PICALM: variants seen among roughly 807,000 people sequenced by gnomAD.
PICALM encodes phosphatidylinositol binding clathrin assembly protein.
PICALM carries 40 observed loss-of-function variants against 80.5 expected under a neutral mutation model. The ratio of observed to expected loss-of-function variants is 0.50; its 90% CI spans 0.39 to 0.65. PICALM has a LOEUF of 0.65. PICALM is among the 30% of genes least tolerant of loss of function. The pLI is 0.00. For missense variants in PICALM, 676 were observed against 778.9 expected, an observed-to-expected ratio of 0.87 and a Z score of 1.57; for synonymous variants, 288 against 260.3, an observed-to-expected ratio of 1.11 and a Z score of -1.02.
chr11:86,002,343 A>G (rs2136122975), intron 9 of PICALM, among the ~76,000 whole-genome samples: 1 of 152,356 alleles, frequency 6.6e-6, no homozygotes, highest in South Asian at 2.1e-4. Flanking sequence ...AAACAACCAG[A>G]AAGTCTAAAA....
intron 19 of PICALM, among the ~76,000 whole-genome samples, chr11:85,959,973 ATC>A (rs2093634057): frequency 6.6e-6 from 1 of 152,124 alleles, no homozygotes; most frequent in African/African-American, 2.4e-5. Context: ...GTTCAGAAAA[ATC>A]TCTCCATAAG....
intron 1 of PICALM, among the ~76,000 whole-genome samples, chr11:86,057,920 A>G (rs2096294869): frequency 1.3e-5 from 2 of 152,232 alleles, no homozygotes; most frequent in South Asian, 4.1e-4. Context: ...AATCCCCTAT[A>G]GATACTGAAG....
chr11:86,002,697 G>C (rs555873420), intron 9 of PICALM, among the ~76,000 whole-genome samples: 1 of 152,322 alleles, frequency 6.6e-6, no homozygotes, highest in African/African-American at 2.4e-5. Flanking sequence ...TGTGAGGATT[G>C]AGCAAATTAA....
At chr11:85,977,292 TAAGAGGAACA>T (rs2094312858) in intron 17 of PICALM, among the ~76,000 whole-genome samples, 1 of 152,200 alleles carries the variant, frequency 6.6e-6, no homozygotes, top group Non-Finnish European at 1.5e-5. Flanking sequence ...AAAAATTATT[TAAGAGGAACA>T]ATCAATTAGG....
At chr11:86,038,588 C>G (rs2095885526) in intron 1 of PICALM, among the ~76,000 whole-genome samples, 1 of 152,078 alleles carries the variant, frequency 6.6e-6, no homozygotes, top group South Asian at 2.1e-4. Flanking sequence ...CAAGACCAGC[C>G]TGGCCAAGAT....
At chr11:86,018,380 G>A (rs1446503976) in intron 4 of PICALM, among the ~76,000 whole-genome samples, 1 of 152,102 alleles carries the variant, frequency 6.6e-6, no homozygotes, top group Non-Finnish European at 1.5e-5. Context: ...CAATAATTTA[G>A]TATAACTTTT....
intron 1 of PICALM, among the ~76,000 whole-genome samples, chr11:86,033,786 A>G (rs1464918148): frequency 6.6e-6 from 1 of 152,152 alleles, no homozygotes; most frequent in African/African-American, 2.4e-5. Flanking sequence ...CTCAAACATA[A>G]AGATCAGTCA....
At chr11:85,981,022 T>A in intron 17 of PICALM, 107 bp downstream of exon 17, 1 of 645,062 alleles carries the variant, frequency 1.6e-6, no homozygotes, top group Non-Finnish European at 2.8e-6. Context: ...ACTTCTAAAC[T>A]CAGTAACAAT....
At position 86,014,910 on chromosome 11, in the gene PICALM, G is replaced by C. The variant is rs2095455902; in HGVS notation, c.506C>G (p.Pro169Arg). The change falls in exon 5 of 20, where the codon CCA (proline) becomes CGA (arginine). Residue 169 changes from proline to arginine, a missense_variant. Around this residue, in one of 2 missense-constraint regions of PICALM, gnomAD observed 285 missense variants for 395.4 expected, o/e 0.72. Coordinates refer to ENST00000393346, the MANE Select transcript of PICALM (RefSeq NM_007166.4). ...TGCATCCATCTGATTCTGAATAATT[G>C]GTACAGTTTTTAGGAGTTTTTCTGT... is the stretch of plus-strand genomic sequence containing the variant. ...MNTEKLLKTV[P>R]IIQNQMDALL... is the part of the protein sequence containing the mutation. 1 of 1,590,006 alleles carries C rather than the reference G, an allele frequency of 6.3e-7. No homozygotes were observed. Among genetic ancestry groups the C allele is most frequent in the Admixed American group, 1.7e-5 (1 of 58,098 alleles).
At chr11:85,991,033 C>T (rs1460325593) in intron 12 of PICALM, among the ~76,000 whole-genome samples, 1 of 152,034 alleles carries the variant, frequency 6.6e-6, no homozygotes, top group East Asian at 1.9e-4. Flanking sequence ...AAATGAATTG[C>T]TAAAGGAACA....
At chr11:85,959,154 C>T (rs976627418) in intron 19 of PICALM, 94 bp from the exon 20 acceptor site, 8 of 748,182 alleles carry the variant, frequency 1.1e-5, no homozygotes, top group Non-Finnish European at 1.8e-5. Flanking sequence ...TTAACTGGCC[C>T]AGAAGTGTTC....
At chr11:86,048,127 G>A (rs559763219) in intron 1 of PICALM, among the ~76,000 whole-genome samples, 3 of 152,274 alleles carry the variant, frequency 2.0e-5, no homozygotes, top group Non-Finnish European at 4.4e-5. Context: ...CCAATCTCCT[G>A]ATGCGAAGCA....
intron 1 of PICALM, among the ~76,000 whole-genome samples, chr11:86,063,878 A>G (rs994774045): frequency 1.4e-4 from 21 of 147,328 alleles, no homozygotes; most frequent in African/African-American, 4.2e-4. Flanking sequence ...ATCCTTTTGG[A>G]AAAAAAAAAA....
chr11:86,013,252 C>T (rs1246002323), intron 5 of PICALM, among the ~76,000 whole-genome samples: 1 of 151,940 alleles, frequency 6.6e-6, no homozygotes, highest in Non-Finnish European at 1.5e-5. Context: ...GAGTTGGAGG[C>T]TGCAATGAGC....
At chr11:85,968,579 C>T (rs1369186923) in intron 19 of PICALM, among the ~76,000 whole-genome samples, 1 of 152,158 alleles carries the variant, frequency 6.6e-6, no homozygotes. Context: ...CTATAACTGT[C>T]TTCATGCTTA....
chr11:86,053,661 G>T (rs1197566657), intron 1 of PICALM, among the ~76,000 whole-genome samples: 1 of 152,034 alleles, frequency 6.6e-6, no homozygotes, highest in East Asian at 1.9e-4. Flanking sequence ...TCTGCCTCCT[G>T]GGCTCAAGTG....
chr11:86,056,715 T>C (rs2096275265), intron 1 of PICALM, among the ~76,000 whole-genome samples: 1 of 152,176 alleles, frequency 6.6e-6, no homozygotes. Flanking sequence ...CGAAAACTTG[T>C]ATGTGAATGT....
At chr11:86,045,869 T>C (rs2096064442) in intron 1 of PICALM, among the ~76,000 whole-genome samples, 1 of 152,152 alleles carries the variant, frequency 6.6e-6, no homozygotes, top group South Asian at 2.1e-4. Flanking sequence ...TCACCAACTT[T>C]TTTTTGCTAT....
intron 1 of PICALM, among the ~76,000 whole-genome samples, chr11:86,035,367 C>G (rs538070898): frequency 6.6e-6 from 1 of 152,174 alleles, no homozygotes; most frequent in Admixed American, 6.5e-5. Flanking sequence ...CCTGTGCCAT[C>G]AGAATGCAGA....
Sources: gnomAD v4.1 joint callset for allele counts (sites outside exome capture counted in the v4.1 genomes callset) on GRCh38, gnomAD v4.1.1 for gene constraint, gnomAD v4.1.1 regional missense constraint, MANE v1.5 for transcripts, NCBI Gene and HGNC (gene_info 2026-07-23, HGNC 2026-07-21) for gene names.